UBE2L3: variants seen among roughly 807,000 people sequenced by gnomAD.
UBE2L3 encodes the protein ubiquitin-conjugating enzyme E2 L3.
UBE2L3 carries 1 observed loss-of-function variant against 17.8 expected under a neutral mutation model. The observed-to-expected ratio is 0.06, with a 90% CI of 0.02 to 0.27. The LOEUF is 0.27. Ranked by LOEUF, UBE2L3 falls within the 10% of genes least tolerant of loss-of-function variation. UBE2L3 has a pLI of 1.00. For missense variants in UBE2L3, 40 were observed against 192.6 expected, an observed-to-expected ratio of 0.21 and a Z score of 4.69; for synonymous variants, 44 against 68.5, an observed-to-expected ratio of 0.64 and a Z score of 1.76.
At chr22:21,573,547 A>G (rs1013329048) in intron 1 of UBE2L3, among the ~76,000 whole-genome samples, 48 of 152,126 alleles carry the variant, frequency 3.2e-4, no homozygotes, top group African/African-American at 1.1e-3. Context: ...CACCTGAATA[A>G]TGGCTTGCAG....
intron 1 of UBE2L3, 92 bp from the exon 2 acceptor site, chr22:21,592,769 G>T: frequency 1.0e-6 from 1 of 1,002,780 alleles, no homozygotes; most frequent in Non-Finnish European, 1.6e-6. Context: ...TAGCATTTTT[G>T]GCACTTGGTT....
At chr22:21,577,144 A>ATTTT (rs1453508503) in intron 1 of UBE2L3, among the ~76,000 whole-genome samples, 1 of 151,178 alleles carries the variant, frequency 6.6e-6, no homozygotes, top group Non-Finnish European at 1.5e-5. Flanking sequence ...AATCTTTTGT[A>ATTTT]TTTTTAGTAG....
At chr22:21,614,983 G>A (rs939457763) in intron 3 of UBE2L3, among the ~76,000 whole-genome samples, 1 of 151,780 alleles carries the variant, frequency 6.6e-6, no homozygotes, top group African/African-American at 2.4e-5. Context: ...GTGAAACCCT[G>A]TCTCTACTAA....
intron 3 of UBE2L3, among the ~76,000 whole-genome samples, chr22:21,619,966 C>A (rs2148450903): frequency 6.6e-6 from 1 of 152,288 alleles, no homozygotes; most frequent in South Asian, 2.1e-4. Context: ...TAATCCATTT[C>A]TTGTAATGCT....
At chr22:21,585,150 A>G (rs1927868189) in intron 1 of UBE2L3, among the ~76,000 whole-genome samples, 1 of 152,064 alleles carries the variant, frequency 6.6e-6, no homozygotes, top group African/African-American at 2.4e-5. Flanking sequence ...AGCAGCCCTT[A>G]TTTGATGTGG....
At chr22:21,572,060 T>C (rs1035041007) in intron 1 of UBE2L3, among the ~76,000 whole-genome samples, 1 of 152,164 alleles carries the variant, frequency 6.6e-6, no homozygotes, top group Non-Finnish European at 1.5e-5. Flanking sequence ...TGGTATTCTT[T>C]GTAAATGTTT....
chr22:21,596,936 C>T (rs942650699), intron 2 of UBE2L3, among the ~76,000 whole-genome samples: 1 of 152,046 alleles, frequency 6.6e-6, no homozygotes, highest in African/African-American at 2.4e-5. Flanking sequence ...CTGTTTTCTT[C>T]ATACTAAGGA....
intron 2 of UBE2L3, among the ~76,000 whole-genome samples, chr22:21,597,520 C>T (rs1928594334): frequency 6.6e-6 from 1 of 151,996 alleles, no homozygotes; most frequent in Admixed American, 6.6e-5. Flanking sequence ...TAGTCTTGAA[C>T]TCCCAGGCTC....
rs527244459 is a variant in UBE2L3, at chr22:21,606,308, G to A, written c.124-4549G>A. Among the ~76,000 whole-genome samples the A allele has an allele frequency of 2.6e-5, 4 of 151,970 alleles. No homozygotes were observed. In the South Asian group the frequency reaches 8.4e-4, roughly 32 times the overall value. ...CAGGAAAGTGTGCGCGCGCGCGTGT[G>A]TGTGGTATGTGTGTGTGTGTGTGGT... On this transcript the variant is annotated intron_variant, in intron 2 of 3. Transcript: ENST00000342192.
chr22:21,616,259 G>T, intron 3 of UBE2L3, among the ~76,000 whole-genome samples: 1 of 152,078 alleles, frequency 6.6e-6, no homozygotes, highest in Non-Finnish European at 1.5e-5. Context: ...CTCAGACTAG[G>T]GTGGATCCAT....
At chr22:21,567,245 C>A (rs1444691984), upstream of UBE2L3, among the ~76,000 whole-genome samples, 2 of 152,088 alleles carry the variant, frequency 1.3e-5, no homozygotes, top group East Asian at 3.9e-4. Context: ...CTCACTGCAA[C>A]CTCTGCCTCC....
At chr22:21,566,351 C>T (rs1315460717), upstream of UBE2L3, among the ~76,000 whole-genome samples, 1 of 151,674 alleles carries the variant, frequency 6.6e-6, no homozygotes, top group Non-Finnish European at 1.5e-5. Flanking sequence ...TGGGAGGTTG[C>T]GGCGGGAGGA....
chr22:21,575,311 G>T (rs1927209636), intron 1 of UBE2L3, among the ~76,000 whole-genome samples: 2 of 149,756 alleles, frequency 1.3e-5, no homozygotes, highest in South Asian at 4.2e-4. Context: ...ACTTGGCTGG[G>T]CGTGGTGGCT....
rs1929166623 is a variant in UBE2L3, at chr22:21,606,331, G to GT, written c.124-4526_124-4525insT. Among the ~76,000 whole-genome samples, 5 of 151,204 alleles carry GT rather than the reference G, an allele frequency of 3.3e-5. No individual in the cohort carries two copies. The South Asian group carries it at 8.5e-4, about 26-fold the overall frequency. On this transcript the variant is annotated intron_variant, in intron 2 of 3. Transcript: ENST00000342192. ...GTGTGTGGTATGTGTGTGTGTGTGT[G>GT]GTGTGTGTGTGTGTGTCTTACTCTG...
At chr22:21,598,758 T>G (rs1928694380) in intron 2 of UBE2L3, among the ~76,000 whole-genome samples, 1 of 151,830 alleles carries the variant, frequency 6.6e-6, no homozygotes, top group Non-Finnish European at 1.5e-5. Flanking sequence ...GGTCTCAAAC[T>G]CCTGGGCTCA....
chr22:21,574,437 T>C (rs1389260705), intron 1 of UBE2L3, among the ~76,000 whole-genome samples: 1 of 152,174 alleles, frequency 6.6e-6, no homozygotes, highest in Non-Finnish European at 1.5e-5. Flanking sequence ...TTGTAGATAT[T>C]ATTGGGAATA....
chr22:21,599,791 T>G (rs1259626479), intron 2 of UBE2L3, among the ~76,000 whole-genome samples: 1 of 152,104 alleles, frequency 6.6e-6, no homozygotes, highest in Admixed American at 6.6e-5. Context: ...GATTTTTTGT[T>G]TGTTTTGTTT....
At chr22:21,620,130 C>CA (rs1040592405) in intron 3 of UBE2L3, among the ~76,000 whole-genome samples, 3 of 151,960 alleles carry the variant, frequency 2.0e-5, no homozygotes, top group Non-Finnish European at 4.4e-5. Flanking sequence ...CCCATCTCTA[C>CA]AAAAAACTAG....
intron 1 of UBE2L3, among the ~76,000 whole-genome samples, chr22:21,556,393 T>TA (rs1447258007): frequency 1.6e-4 from 25 of 151,938 alleles, no homozygotes; most frequent in Non-Finnish European, 2.2e-4. Context: ...ACTCCATCTC[T>TA]AAAAAAAAAG....
Sources: gnomAD v4.1 joint callset for allele counts (sites outside exome capture counted in the v4.1 genomes callset) on GRCh38, gnomAD v4.1.1 for gene constraint, MANE v1.5 for transcripts, NCBI Gene and HGNC (gene_info 2026-07-23, HGNC 2026-07-21) for gene names.